Variants in ICE1 observed in about 807,000 individuals in gnomAD.
ICE1 encodes interactor of little elongation complex ELL subunit 1.
A neutral mutation model predicts 192.7 loss-of-function variants in ICE1; 64 were observed. That is an observed-to-expected ratio of 0.33 (90% CI 0.27 to 0.41). ICE1 has a LOEUF of 0.41. Ranked by LOEUF, ICE1 falls within the 10% of genes least tolerant of loss-of-function variation. The pLI, the probability that ICE1 is intolerant of heterozygous loss-of-function variation, is 1.00. For synonymous variants in ICE1, 1,010 were observed against 984.5 expected (o/e 1.03, Z -0.49); for missense variants, 2,708 against 2,696.0 (o/e 1.00, Z -0.10).
intron 11 of ICE1, among the ~76,000 whole-genome samples, chr5:5,455,506 C>T (rs193253100): frequency 6.6e-5 from 10 of 152,264 alleles, no homozygotes; most frequent in Admixed American, 6.5e-4. Context: ...TATCAATCAG[C>T]ATTCTATTTT....
At chr5:5,460,330 A>C in intron 12 of ICE1, 106 bp from the exon 13 acceptor site, 1 of 808,984 alleles carries the variant, frequency 1.2e-6, no homozygotes, top group Non-Finnish European at 1.9e-6. Context: ...ACGTGATTGT[A>C]AAGATTCTTC....
At chr5:5,432,979 G>A (rs1020843604) in intron 1 of ICE1, among the ~76,000 whole-genome samples, 1 of 152,180 alleles carries the variant, frequency 6.6e-6, no homozygotes. Flanking sequence ...GACCCTGAGT[G>A]TCAAGGCAGG....
At position 5,462,682 on chromosome 5, in the gene ICE1, C is replaced by G. The variant is rs758633858; in HGVS notation, c.3348C>G (p.Cys1116Trp). The change falls in exon 13 of 19, where the codon TGC (cysteine) becomes TGG (tryptophan). Residue 1116 changes from cysteine (C) to tryptophan (W), a missense_variant. Coordinates refer to ENST00000296564, the MANE Select transcript of ICE1 (RefSeq NM_015325.3). ...AGGTAGAGAGTGAGGCATTTAGCTG[C>G]AGTGAGGGGAGCGAACAGCAAGATG... ...DTEVESEAFS[C>W]SEGSEQQDAP... 18 of 1,613,920 alleles carry G rather than the reference C, an allele frequency of 1.1e-5. 1 individual carries two copies. In the South Asian group the frequency reaches 1.9e-4, roughly 17 times the overall value.
Position 5,480,105 on chromosome 5 carries a change from A to G in ICE1, c.6520+4026A>G, listed in dbSNP as rs1274998546. 3.3e-5 allele frequency among the ~76,000 whole-genome samples: 5 copies of G among 152,268 alleles called. No individual in the cohort carries two copies. In the East Asian group the frequency reaches 9.6e-4, roughly 29 times the overall value. ...ACAACTGAAAAAAGAAAGCTCTCTT[A>G]GTTTTGACCTGACTTCTCTATCTGC... On this transcript the variant is annotated intron_variant, in intron 17 of 18. Transcript: ENST00000296564.
chr5:5,455,917 G>C (rs1001714974), intron 11 of ICE1, among the ~76,000 whole-genome samples: 8 of 151,928 alleles, frequency 5.3e-5, no homozygotes, highest in African/African-American at 1.7e-4. Context: ...GTTGCCTTTA[G>C]TAGTCATCTT....
chr5:5,461,051 A>T lies in ICE1; in HGVS notation c.1717A>T (p.Thr573Ser). ...FTKWTRINEI[T>S]SEPDRITVSG... ...TAAGTGGACACGAATTAATGAAATC[A>T]CTTCTGAACCAGACCGTATCACAGT... Residue 573 changes from threonine (T) to serine (S), a missense_variant, in exon 13 of 19, where the codon ACT becomes TCT. Physicochemically the swap from Thr to Ser is moderately conservative, Grantham distance 58. Coordinates refer to ENST00000296564, the MANE Select transcript of ICE1 (RefSeq NM_015325.3). 1 of 1,614,066 alleles carries T rather than the reference A, an allele frequency of 6.2e-7. No homozygotes were observed. The highest frequency in any genetic ancestry group is 8.5e-7 in the Non-Finnish European group (1 of 1,179,906).
intron 6 of ICE1, 98 bp from the exon 7 acceptor site, chr5:5,444,191 A>C (rs1738135230): frequency 6.7e-6 from 5 of 746,628 alleles, no homozygotes; most frequent in Non-Finnish European, 1.1e-5. Context: ...TTGTTATACA[A>C]ATATTTGTAA....
rs370676122 is a variant in ICE1 at position 5,457,696 on chromosome 5, G to A, written c.1056G>A (p.Pro352=). Residue 352 remains proline (P), a synonymous_variant, in exon 12 of 19, where the codon CCG becomes CCA. Coordinates refer to ENST00000296564, the MANE Select transcript of ICE1 (RefSeq NM_015325.3). The part of the protein sequence containing the change: ...PLLSPVPSPP[P]MSSPHPGSLP... Reference sequence around the variant, plus strand: ...TGTCACCAGTGCCCTCGCCCCCTCCGATGTCATCACCTCACCCGGGTTCCT... The same window carrying A: ...TGTCACCAGTGCCCTCGCCCCCTCCAATGTCATCACCTCACCCGGGTTCCT... 1.9e-5 allele frequency: 31 copies of A among 1,613,352 alleles called. No homozygotes were observed. Among genetic ancestry groups the A allele is most frequent in the East Asian group, 1.6e-4 (7 of 44,876 alleles).
intron 17 of ICE1, among the ~76,000 whole-genome samples, chr5:5,482,473 CT>C (rs1739529001): frequency 6.6e-6 from 1 of 152,152 alleles, no homozygotes; most frequent in African/African-American, 2.4e-5. Context: ...AGAATAAGCC[CT>C]TCTCAGGTCT....
At chr5:5,472,010 TC>T (rs1739169154) in intron 15 of ICE1, among the ~76,000 whole-genome samples, 1 of 152,210 alleles carries the variant, frequency 6.6e-6, no homozygotes, top group African/African-American at 2.4e-5. Flanking sequence ...GAGTCATGAT[TC>T]ATTTATAAAT....
At position 5,447,824 on chromosome 5, in the gene ICE1, T is replaced by G; in HGVS notation, c.548-17T>G. 6.3e-7 allele frequency: 1 copy of G among 1,575,038 alleles called. No homozygotes were observed. The highest frequency in any genetic ancestry group is 8.6e-7 in the Non-Finnish European group (1 of 1,157,892). On this transcript the variant is annotated splice_polypyrimidine_tract_variant and intron_variant, in intron 9 of 18. Coordinates refer to ENST00000296564, the MANE Select transcript of ICE1 (RefSeq NM_015325.3). Reference sequence around the variant, plus strand: ...ATATGTAGTATTTTATTAACCGTTTTTTCCCCATGCTTTTAGAGTTGAGAC... The same window carrying G: ...ATATGTAGTATTTTATTAACCGTTTGTTCCCCATGCTTTTAGAGTTGAGAC...
chr5:5,443,880 A>G (rs1738123289), intron 6 of ICE1, among the ~76,000 whole-genome samples: 1 of 152,186 alleles, frequency 6.6e-6, no homozygotes, highest in Non-Finnish European at 1.5e-5. Context: ...TAGCTCTTCA[A>G]CCACTGCTTT....
intron 1 of ICE1, among the ~76,000 whole-genome samples, chr5:5,423,586 C>T (rs907402657): frequency 5.3e-5 from 8 of 152,208 alleles, no homozygotes; most frequent in Non-Finnish European, 1.0e-4. Flanking sequence ...TTATGAAAGG[C>T]ATGCAGAGAC....
chr5:5,447,184 T>A (rs1738253325), intron 7 of ICE1, among the ~76,000 whole-genome samples: 1 of 152,196 alleles, frequency 6.6e-6, no homozygotes, highest in African/African-American at 2.4e-5. Flanking sequence ...TGTGCCTGGT[T>A]TGGAAAGAAT....
chr5:5,443,328 T>A, intron 6 of ICE1, 84 bp downstream of exon 6: 1 of 732,648 alleles, frequency 1.4e-6, no homozygotes, highest in Non-Finnish European at 2.1e-6. Flanking sequence ...TTTTTTTTTT[T>A]ACAGTCTTTG....
chr5:5,460,492 A>G lies in ICE1; in HGVS notation c.1158A>G (p.Arg386=), dbSNP rs1280931852. 6 of 1,611,792 alleles carry G rather than the reference A, an allele frequency of 3.7e-6. No homozygotes were observed. The South Asian group carries it at 6.6e-5, about 18-fold the overall frequency. The change falls in exon 13 of 19, where the codon AGA becomes AGG. Residue 386 remains arginine, a synonymous_variant. Transcript: ENST00000296564. ...DSSDNDSVQL[R]NSAECVSEDD... ...GCGATAATGACTCAGTCCAGCTTAG[A>G]AATTCTGCTGAGTGTGTTTCAGAAG... is the stretch of plus-strand genomic sequence containing the variant.
chr5:5,463,139 G>A lies in ICE1; in HGVS notation c.3805G>A (p.Glu1269Lys), dbSNP rs375953786. The A allele has an allele frequency of 1.2e-6, 2 of 1,612,802 alleles. No homozygotes were observed. The highest frequency in any genetic ancestry group is 1.7e-6 in the Non-Finnish European group (2 of 1,179,516). ...LSEVLTKIRQ[E>K]LQTNSEDCNG... The stretch of plus-strand genomic sequence containing the variant: ...TGAGGTTCTGACCAAGATTAGGCAA[G>A]AACTTCAAACAAATTCTGAAGATTG... Residue 1269 changes from glutamate (E) to lysine (K), a missense_variant, in exon 13 of 19, where the codon GAA becomes AAA. Physicochemically the swap from Glu to Lys is moderately conservative, Grantham distance 56. Coordinates refer to ENST00000296564, the MANE Select transcript of ICE1 (RefSeq NM_015325.3).
chr5:5,426,115 A>G (rs1467075526), intron 1 of ICE1, among the ~76,000 whole-genome samples: 2 of 152,214 alleles, frequency 1.3e-5, no homozygotes, highest in African/African-American at 2.4e-5. Flanking sequence ...CCTCAAGGAA[A>G]TAGCAGGCCA....
At chr5:5,428,877 C>T (rs975224977) in intron 1 of ICE1, among the ~76,000 whole-genome samples, 3 of 152,164 alleles carry the variant, frequency 2.0e-5, no homozygotes, top group Admixed American at 6.5e-5. Flanking sequence ...CATTCCTCAG[C>T]GAACGTTTTA....
Sources: gnomAD v4.1 joint callset for allele counts (sites outside exome capture counted in the v4.1 genomes callset) on GRCh38, gnomAD v4.1.1 for gene constraint, MANE v1.5 for transcripts, NCBI Gene and HGNC (gene_info 2026-07-23, HGNC 2026-07-21) for gene names.